RASGRP3: variants seen among roughly 807,000 people sequenced by gnomAD.
RASGRP3 encodes RAS guanyl releasing protein 3, also known as ras guanyl-releasing protein 3.
In RASGRP3, 54 loss-of-function variants were observed where a neutral mutation model predicts 82.7. The ratio of observed to expected loss-of-function variants is 0.65; its 90% CI spans 0.52 to 0.82. RASGRP3 has a LOEUF of 0.82. Among genes scored for constraint, RASGRP3 ranks in the 40% least tolerant of loss-of-function variants. RASGRP3 has a pLI of 0.00. For synonymous variants in RASGRP3, 309 were observed against 300.5 expected, an observed-to-expected ratio of 1.03 and a Z score of -0.29; for missense variants, 861 against 828.9, an observed-to-expected ratio of 1.04 and a Z score of -0.48.
chr2:33,449,973 C>G (rs1201268031), intron 2 of RASGRP3, among the ~76,000 whole-genome samples: 1 of 152,080 alleles, frequency 6.6e-6, no homozygotes, highest in Non-Finnish European at 1.5e-5. Context: ...GCCAGAAATT[C>G]AGGAGAAGGT....
chr2:33,437,306 G>C (rs1664980632), intron 1 of RASGRP3, among the ~76,000 whole-genome samples: 1 of 152,240 alleles, frequency 6.6e-6, no homozygotes. Context: ...TTAAATCCAA[G>C]AACAGTTGAT....
chr2:33,463,592 C>CTTT (rs56748259), intron 2 of RASGRP3, among the ~76,000 whole-genome samples: 25 of 70,242 alleles, frequency 3.6e-4, no homozygotes, highest in East Asian at 9.1e-4. Flanking sequence ...CTCCTTCACT[C>CTTT]TTTTTTTTTT....
At chr2:33,518,093 A>G (rs908036039) in intron 4 of RASGRP3, among the ~76,000 whole-genome samples, 2 of 152,248 alleles carry the variant, frequency 1.3e-5, no homozygotes. Context: ...ACAGTTACAC[A>G]TAACATAACG....
rs181823159 is a variant in RASGRP3, at chr2:33,484,713, C to T, written c.-261+8006C>T. Among the ~76,000 whole-genome samples the T allele has an allele frequency of 2.0e-4, 31 of 152,222 alleles. No individual in the cohort carries two copies. The East Asian group carries it at 4.4e-3, about 22-fold the overall frequency. On this transcript the variant is annotated intron_variant, in intron 1 of 17. Transcript: ENST00000403687. ...GCTATTGAGAGAGGAAATAAAATAA[C>T]GCTTATTTTCACATCACTCAGAGGT...
In RASGRP3 at chr2:33,463,807, G is replaced by T. The variant is rs1029455175; in HGVS notation, c.-261+15864G>T. On this transcript the variant is annotated intron_variant, in intron 2 of 18. Transcript: ENST00000402538. ...AGTAGAAATGTGGTTTCACCATGTT[G>T]GCCAGGCTGGTCTTGAACTCCTGAC... Among the ~76,000 whole-genome samples, 27 of 151,752 alleles carry T rather than the reference G, an allele frequency of 1.8e-4. No homozygotes were observed. In the South Asian group the frequency reaches 2.1e-3, roughly 12 times the overall value.
chr2:33,449,280 A>G (rs1284234746), intron 2 of RASGRP3, among the ~76,000 whole-genome samples: 1 of 152,242 alleles, frequency 6.6e-6, no homozygotes, highest in African/African-American at 2.4e-5. Context: ...GTTACCTTGC[A>G]TATATATGCA....
intron 1 of RASGRP3, 51 bp downstream of exon 1, chr2:33,476,758 C>CGTGTGTGTGTGTGTGTGTGTGTGTGTGT (rs67368748): frequency 7.1e-5 from 10 of 140,258 alleles, no homozygotes; most frequent in African/African-American, 2.8e-4. Flanking sequence ...ATTCCCTCTC[C>CGTGTGTGTGTGTGTGTGTGTGTGTGTGT]GTGTGTGTGT....
intron 1 of RASGRP3, chr2:33,482,667 T>C (rs11676250): frequency 0.14 from 20,824 of 152,212 alleles, 1,609 homozygotes; most frequent in African/African-American, 0.21. Context: ...ATGGGGACGC[T>C]TCACTATCTG....
rs111866561 is a variant in RASGRP3, at chr2:33,556,538, C to T, written c.1579+971C>T. Among the ~76,000 whole-genome samples the T allele has an allele frequency of 1.2e-3, 106 of 88,548 alleles. 33 individuals carry two copies. Among genetic ancestry groups the T allele is most frequent in the African/African-American group, 7.9e-3 (98 of 12,360 alleles). 58.1% of individuals were successfully genotyped at this position (88,548 alleles called of 152,430 possible). A position where few individuals can be genotyped will look rare whatever the true frequency, so the allele number is the denominator to read the frequency against. On this transcript the variant is annotated intron_variant, in intron 15 of 17. Transcript: ENST00000403687. ...CTGGGATTACAGGCGTGAGCCACCG[C>T]GCCCGGCCTCTTCTAATAATCTTAT...
chr2:33,488,103 C>A (rs1468385861), intron 1 of RASGRP3, among the ~76,000 whole-genome samples: 1 of 152,190 alleles, frequency 6.6e-6, no homozygotes, highest in Non-Finnish European at 1.5e-5. Flanking sequence ...CTGATTCTTA[C>A]TCGATTATTT....
chr2:33,465,441 T>C (rs1427289464), intron 2 of RASGRP3, among the ~76,000 whole-genome samples: 2 of 152,240 alleles, frequency 1.3e-5, no homozygotes, highest in Admixed American at 6.5e-5. Context: ...GAGGATCGCT[T>C]GAACCCAAGA....
At chr2:33,547,318 C>G (rs1421211249) in intron 13 of RASGRP3, among the ~76,000 whole-genome samples, 1 of 134,932 alleles carries the variant, frequency 7.4e-6, no homozygotes, top group African/African-American at 2.9e-5. Flanking sequence ...CCAAATTTCC[C>G]CGCAAGCTTG....
At chr2:33,457,582 G>C (rs1359763342) in intron 2 of RASGRP3, among the ~76,000 whole-genome samples, 1 of 148,984 alleles carries the variant, frequency 6.7e-6, no homozygotes, top group Admixed American at 6.7e-5. Flanking sequence ...CTTTTTTTTT[G>C]ATATTACAAA....
intron 1 of RASGRP3, among the ~76,000 whole-genome samples, chr2:33,507,816 G>A (rs987364470): frequency 1.6e-4 from 24 of 152,300 alleles, no homozygotes; most frequent in African/African-American, 5.3e-4. Flanking sequence ...GTGAGCCACC[G>A]TGCCTGGCCC....
chr2:33,487,279 A>G (rs1248903177), intron 1 of RASGRP3, among the ~76,000 whole-genome samples: 1 of 152,218 alleles, frequency 6.6e-6, no homozygotes, highest in African/African-American at 2.4e-5. Flanking sequence ...GCATTCTGGA[A>G]AAAAATTTCT....
chr2:33,462,437 T>C (rs1217347390), intron 2 of RASGRP3, among the ~76,000 whole-genome samples: 1 of 150,346 alleles, frequency 6.7e-6, no homozygotes, highest in Non-Finnish European at 1.5e-5. Flanking sequence ...TGGAGTACAG[T>C]GGTGCGATCG....
At chr2:33,502,432 A>G (rs893094403) in intron 1 of RASGRP3, among the ~76,000 whole-genome samples, 97 of 151,720 alleles carry the variant, frequency 6.4e-4, no homozygotes, top group Admixed American at 6.6e-4. Flanking sequence ...TCCTCCTTTT[A>G]CAACCTACCA....
chr2:33,479,694 A>G (rs79369369), intron 1 of RASGRP3, among the ~76,000 whole-genome samples: 3,728 of 152,184 alleles, frequency 0.024, 65 homozygotes, highest in East Asian at 0.096. Context: ...CACCAGTTGC[A>G]TATCTAAAGC....
At chr2:33,532,648 G>A (rs2151050662) in intron 10 of RASGRP3, 1 of 152,264 alleles carries the variant, frequency 6.6e-6, no homozygotes, top group African/African-American at 2.4e-5. Flanking sequence ...AGGTGAATAC[G>A]ATGTCTCTTC....
Sources: gnomAD v4.1 joint callset for allele counts (sites outside exome capture counted in the v4.1 genomes callset) on GRCh38, gnomAD v4.1.1 for gene constraint, MANE v1.5 for transcripts, NCBI Gene and HGNC (gene_info 2026-07-23, HGNC 2026-07-21) for gene names.